ADAMTSL1: variants seen among roughly 807,000 people sequenced by gnomAD.
The protein encoded by ADAMTSL1 is ADAMTS like 1.
In ADAMTSL1, 126 loss-of-function variants were observed where a neutral mutation model predicts 201.8. The observed-to-expected ratio is 0.62, with a 90% CI of 0.54 to 0.72. The LOEUF (loss-of-function observed/expected upper bound fraction) is 0.72, where lower values mean the gene tolerates loss of function less well. ADAMTSL1 is among the 30% of genes least tolerant of loss of function. The pLI is 0.00. For missense variants in ADAMTSL1, 2,679 were observed against 2,277.8 expected (o/e 1.18, Z -3.59); for synonymous variants, 1,121 against 903.4 (o/e 1.24, Z -4.32).
At chr9:18,528,761 A>T (rs1180272328) in intron 2 of ADAMTSL1, among the ~76,000 whole-genome samples, 1 of 152,190 alleles carries the variant, frequency 6.6e-6, no homozygotes, top group Non-Finnish European at 1.5e-5. Flanking sequence ...CATAATTGAT[A>T]TAGTTCTGAA....
intron 2 of ADAMTSL1, among the ~76,000 whole-genome samples, chr9:18,450,241 G>A (rs924367629): frequency 2.0e-5 from 3 of 152,154 alleles, no homozygotes; most frequent in African/African-American, 4.8e-5. Flanking sequence ...ATTTCATGGA[G>A]CGATGGAAAT....
chr9:18,305,925 A>G (rs966250244), intron 2 of ADAMTSL1, among the ~76,000 whole-genome samples: 3 of 152,184 alleles, frequency 2.0e-5, no homozygotes, highest in African/African-American at 7.2e-5. Context: ...GACACCTCCC[A>G]GCAGGGCTCA....
At chr9:18,801,091 C>T (rs1307090485) in intron 20 of ADAMTSL1, among the ~76,000 whole-genome samples, 2 of 152,148 alleles carry the variant, frequency 1.3e-5, no homozygotes, top group Non-Finnish European at 2.9e-5. Context: ...TACCTACTTC[C>T]TCAAGTGCTA....
At chr9:18,143,912 G>C (rs1278470661) in intron 1 of ADAMTSL1, among the ~76,000 whole-genome samples, 1 of 152,148 alleles carries the variant, frequency 6.6e-6, no homozygotes, top group Admixed American at 6.5e-5. Flanking sequence ...GTTTCTGTAG[G>C]AAAATGGGGA....
intron 4 of ADAMTSL1, among the ~76,000 whole-genome samples, chr9:18,607,353 G>A (rs1372960368): frequency 1.3e-5 from 2 of 152,114 alleles, no homozygotes; most frequent in South Asian, 2.1e-4. Flanking sequence ...CATAAAATTC[G>A]TGGTCAAATA....
chr9:18,543,486 G>C lies in ADAMTSL1; in HGVS notation c.237+10194G>C, dbSNP rs1306075997. Among the ~76,000 whole-genome samples, 27 of 152,126 alleles carry C rather than the reference G, an allele frequency of 1.8e-4. 1 individual carries two copies. Among genetic ancestry groups the C allele is most frequent in the Admixed American group, 1.8e-3 (27 of 15,260 alleles). On this transcript the variant is annotated intron_variant, in intron 3 of 28. Coordinates refer to ENST00000380548, the MANE Select transcript of ADAMTSL1 (RefSeq NM_001040272.6). Reference sequence around the variant, plus strand: ...AACATCAAGGCTAAATAAGCTTTCAGTATCTTGCAAATAAATTAATCTCTA... The same window carrying C: ...AACATCAAGGCTAAATAAGCTTTCACTATCTTGCAAATAAATTAATCTCTA...
chr9:18,311,435 A>C (rs1182442820), intron 2 of ADAMTSL1, among the ~76,000 whole-genome samples: 1 of 152,110 alleles, frequency 6.6e-6, no homozygotes, highest in African/African-American at 2.4e-5. Flanking sequence ...ATAGCACGTC[A>C]ATGTGTTTTC....
At chr9:18,548,781 A>C (rs1411986916) in intron 3 of ADAMTSL1, among the ~76,000 whole-genome samples, 1 of 152,052 alleles carries the variant, frequency 6.6e-6, no homozygotes, top group Non-Finnish European at 1.5e-5. Flanking sequence ...TTAGGGAGTA[A>C]AGACAGAAAT....
chr9:18,241,301 C>T (rs1051984426), intron 2 of ADAMTSL1, among the ~76,000 whole-genome samples: 13 of 152,122 alleles, frequency 8.5e-5, no homozygotes, highest in African/African-American at 2.7e-4. Context: ...CTAATTTCAA[C>T]GTTCAATTAT....
intron 5 of ADAMTSL1, among the ~76,000 whole-genome samples, chr9:18,632,715 G>A (rs189094222): frequency 2.0e-5 from 3 of 152,156 alleles, no homozygotes; most frequent in East Asian, 1.9e-4. Flanking sequence ...TTTGCAGATC[G>A]TTTAATGTCT....
At chr9:18,002,434 A>C (rs1215043697) in intron 1 of ADAMTSL1, among the ~76,000 whole-genome samples, 1 of 152,058 alleles carries the variant, frequency 6.6e-6, no homozygotes, top group South Asian at 2.1e-4. Flanking sequence ...GCTATGATAG[A>C]TAGTGTAATA....
chr9:18,702,481 G>T (rs1202426009), intron 13 of ADAMTSL1, among the ~76,000 whole-genome samples: 1 of 152,024 alleles, frequency 6.6e-6, no homozygotes, highest in Non-Finnish European at 1.5e-5. Context: ...GAATTTTATT[G>T]TCACTGTTTT....
At chr9:18,452,997 G>A (rs1039209306) in intron 2 of ADAMTSL1, among the ~76,000 whole-genome samples, 9 of 152,192 alleles carry the variant, frequency 5.9e-5, no homozygotes, top group South Asian at 2.1e-4. Context: ...GGAGCTCTCC[G>A]CAGTGGCTCT....
At chr9:18,896,376 A>C (rs1000668688) in intron 26 of ADAMTSL1, among the ~76,000 whole-genome samples, 14 of 152,250 alleles carry the variant, frequency 9.2e-5, no homozygotes, top group African/African-American at 2.9e-4. Context: ...ATTTCTCAGC[A>C]GAAACCTTGC....
intron 1 of ADAMTSL1, among the ~76,000 whole-genome samples, chr9:17,988,561 T>TC (rs1265597918): frequency 1.3e-5 from 2 of 151,110 alleles, no homozygotes; most frequent in Non-Finnish European, 3.0e-5. Flanking sequence ...TTTTTTCTTT[T>TC]CTTTTTTTTT....
intron 20 of ADAMTSL1, among the ~76,000 whole-genome samples, chr9:18,814,066 T>A (rs560916976): frequency 1.3e-5 from 2 of 152,230 alleles, no homozygotes; most frequent in African/African-American, 2.4e-5. Context: ...GTCTTTCTTA[T>A]AATAGCCATT....
intron 3 of ADAMTSL1, among the ~76,000 whole-genome samples, chr9:18,566,728 G>A (rs977694586): frequency 1.3e-5 from 2 of 152,136 alleles, no homozygotes; most frequent in African/African-American, 4.8e-5. Context: ...GGAGCTAAGT[G>A]AGCAAGGACA....
chr9:18,260,323 A>C (rs957592266), intron 2 of ADAMTSL1, among the ~76,000 whole-genome samples: 1 of 152,238 alleles, frequency 6.6e-6, no homozygotes, highest in Non-Finnish European at 1.5e-5. Context: ...GGCATGAAAA[A>C]CAACTGTTTG....
In ADAMTSL1 at chr9:18,298,156, G is replaced by A. The variant is rs148281532; in HGVS notation, c.207+134175G>A. Among the ~76,000 whole-genome samples, 247 of 152,294 alleles carry A rather than the reference G, an allele frequency of 1.6e-3. 3 individuals are homozygous for A. In the East Asian group the frequency reaches 0.022, roughly 13 times the overall value. On this transcript the variant is annotated intron_variant, in intron 2 of 29. Transcript: ENST00000680146. ...GACAGAATTCACAGCTCAGGTGAGG[G>A]TGGAGGGTAGAATAAAAGGCAAACT...
Sources: allele counts gnomAD v4.1 joint callset (sites outside exome capture counted in the v4.1 genomes callset), GRCh38; gene constraint gnomAD v4.1.1; transcripts MANE v1.5; gene names NCBI Gene and HGNC (gene_info 2026-07-23, HGNC 2026-07-21).